The following CDK12 variants were observed in gnomAD, a reference collection of about 807,000 sequenced individuals.
CDK12 encodes the protein cyclin-dependent kinase 12.
CDK12 carries 17 observed loss-of-function variants against 133.8 expected under a neutral mutation model. The observed-to-expected ratio is 0.13, with a 90% CI of 0.09 to 0.19. The LOEUF (loss-of-function observed/expected upper bound fraction) is 0.19. CDK12 is among the 10% of genes least tolerant of loss of function. CDK12 has a pLI of 1.00. For missense variants in CDK12, 1,508 were observed against 1,818.7 expected (o/e 0.83, Z 3.11); for synonymous variants, 694 against 683.6 (o/e 1.02, Z -0.24).
At chr17:39,465,565 C>T (rs966292764) in intron 1 of CDK12, among the ~76,000 whole-genome samples, 4 of 151,912 alleles carry the variant, frequency 2.6e-5, no homozygotes, top group African/African-American at 9.7e-5. Flanking sequence ...CGGTTCACTG[C>T]AACCTCTGCC....
At chr17:39,479,535 T>C (rs1033173411) in intron 2 of CDK12, among the ~76,000 whole-genome samples, 1 of 152,138 alleles carries the variant, frequency 6.6e-6, no homozygotes, top group East Asian at 1.9e-4. Context: ...TTGTGTGAAA[T>C]GACAGTGGAC....
At chr17:39,465,093 A>G (rs1346511067) in intron 1 of CDK12, among the ~76,000 whole-genome samples, 2 of 152,148 alleles carry the variant, frequency 1.3e-5, no homozygotes, top group South Asian at 4.2e-4. Flanking sequence ...AAAAATATAA[A>G]AAATTAGTTG....
chr17:39,467,272 C>T (rs989045616), intron 1 of CDK12, among the ~76,000 whole-genome samples: 4 of 152,028 alleles, frequency 2.6e-5, no homozygotes, highest in South Asian at 2.1e-4. Flanking sequence ...CCACCATGCC[C>T]GGCGAAACAA....
chr17:39,474,972 T>A (rs981611558), intron 2 of CDK12, among the ~76,000 whole-genome samples: 4 of 151,766 alleles, frequency 2.6e-5, no homozygotes, highest in Admixed American at 2.6e-4. Flanking sequence ...GTAGCTGAGA[T>A]TACAAGCATG....
intron 1 of CDK12, among the ~76,000 whole-genome samples, chr17:39,467,578 T>C (rs1269971781): frequency 6.6e-6 from 1 of 152,182 alleles, no homozygotes; most frequent in African/African-American, 2.4e-5. Context: ...AACAGTAGGC[T>C]TCTGTGAGAA....
upstream of CDK12, chr17:39,547,768 G>T (rs1161769830): frequency 6.6e-6 from 1 of 152,326 alleles, no homozygotes; most frequent in East Asian, 1.9e-4. Context: ...TTGACCCTAG[G>T]CCTCCTCTCT....
Position 39,524,797 on chromosome 17 carries a change from G to A in CDK12, c.3219G>A (p.Gly1073=). The A allele has an allele frequency of 6.2e-7, 1 of 1,614,202 alleles. No homozygotes were observed. The highest frequency in any genetic ancestry group is 8.5e-7 in the Non-Finnish European group (1 of 1,180,040). The change falls in exon 12 of 14, where the codon GGG becomes GGA. Residue 1073 remains glycine (G), a synonymous_variant. Transcript: ENST00000447079. ...CTTCTCGAAAAGAAACTACCTCAGG[G>A]ACAAGTACTGAGCCTGTGAAGAACA... ...SKTSRKETTS[G]TSTEPVKNSS... is the part of the protein sequence containing the mutation.
chr17:39,493,052 G>T (rs887400467), intron 4 of CDK12, among the ~76,000 whole-genome samples, 162 bp downstream of exon 4: 6 of 151,832 alleles, frequency 4.0e-5, no homozygotes, highest in African/African-American at 1.5e-4. Context: ...GAGTGCAGTG[G>T]TGCAGTCTCA....
At chr17:39,492,013 T>TAA (rs751681718) in intron 3 of CDK12, among the ~76,000 whole-genome samples, 26 of 113,034 alleles carry the variant, frequency 2.3e-4, no homozygotes, top group African/African-American at 8.0e-4. Flanking sequence ...TGTAGAGTAC[T>TAA]AAAAAAAAAA....
chr17:39,507,126 A>T (rs557951536), intron 6 of CDK12, among the ~76,000 whole-genome samples: 2 of 151,706 alleles, frequency 1.3e-5, no homozygotes, highest in South Asian at 4.2e-4. Flanking sequence ...CAAACTCCTG[A>T]CTTAAGTGGT....
At chr17:39,519,109 G>C (rs2054000641) in intron 10 of CDK12, among the ~76,000 whole-genome samples, 1 of 151,708 alleles carries the variant, frequency 6.6e-6, no homozygotes, top group Non-Finnish European at 1.5e-5. Flanking sequence ...CACCATGTTA[G>C]CCAGGCTGGT....
At chr17:39,546,567 G>C (rs2055719154), upstream of CDK12, 1 of 152,208 alleles carries the variant, frequency 6.6e-6, no homozygotes, top group African/African-American at 2.4e-5. Context: ...AGATAGGGCA[G>C]TTCTGTCCCT....
At chr17:39,511,469 T>C (rs763852520) in intron 7 of CDK12, 60 bp from the exon 8 acceptor site, 2 of 1,068,424 alleles carry the variant, frequency 1.9e-6, no homozygotes, top group Non-Finnish European at 1.4e-6. Flanking sequence ...TTTAGTTATG[T>C]GAATATTTTT....
At chr17:39,529,598 C>T (rs879781216) in intron 13 of CDK12, among the ~76,000 whole-genome samples, 1 of 152,108 alleles carries the variant, frequency 6.6e-6, no homozygotes, top group Non-Finnish European at 1.5e-5. Context: ...TTTTCTTTGT[C>T]CTCAAACTCA....
At chr17:39,547,346 G>C (rs1053219149), upstream of CDK12, among the ~76,000 whole-genome samples, 4 of 152,052 alleles carry the variant, frequency 2.6e-5, no homozygotes, top group Admixed American at 2.6e-4. Flanking sequence ...ATGATGATGA[G>C]GCTGGTCTCG....
At chr17:39,515,153 A>C (rs2053722044) in intron 8 of CDK12, among the ~76,000 whole-genome samples, 1 of 152,214 alleles carries the variant, frequency 6.6e-6, no homozygotes, top group Non-Finnish European at 1.5e-5. Context: ...CAAAGGTTGC[A>C]GTGAGTGGAG....
At position 39,462,401 on chromosome 17, in the gene CDK12, ACAT is replaced by A; in HGVS notation, c.332_334del (p.His111del). On this transcript the variant is annotated inframe_deletion, in exon 1 of 14. Transcript: ENST00000447079. ...CAGATCGGAGCGACCGCCTGCACAA[ACAT>A]CGTCACCACCAGCACAGGCGTTCCC... The A allele has an allele frequency of 6.2e-7, 1 of 1,614,186 alleles. No individual in the cohort carries two copies.
At chr17:39,485,589 T>C (rs911635922) in intron 2 of CDK12, among the ~76,000 whole-genome samples, 2 of 151,856 alleles carry the variant, frequency 1.3e-5, no homozygotes, top group Admixed American at 1.3e-4. Flanking sequence ...ATTTTTTTTG[T>C]ATTTTGGTAG....
Position 39,461,839 on chromosome 17 carries a change from A to G in CDK12, c.-233A>G. 1.8e-6 allele frequency: 1 copy of G among 562,640 alleles called. No individual in the cohort carries two copies. The highest frequency in any genetic ancestry group is 2.2e-5 in the South Asian group (1 of 44,464). 34.9% of individuals were successfully genotyped at this position (562,640 alleles called of 1,614,324 possible). A position where few individuals can be genotyped will look rare whatever the true frequency, so the allele number is the denominator to read the frequency against. On this transcript the variant is annotated 5_prime_UTR_variant, in exon 1 of 14. Transcript: ENST00000447079. Reference sequence around the variant, plus strand: ...TTGAGCAGCTCCCCGTTGTCTCGCAACTCCACTGCCGAGGAACTCTCATTT... The same window carrying G: ...TTGAGCAGCTCCCCGTTGTCTCGCAGCTCCACTGCCGAGGAACTCTCATTT...
Sources: gnomAD v4.1 joint callset for allele counts (sites outside exome capture counted in the v4.1 genomes callset) on GRCh38, gnomAD v4.1.1 for gene constraint, MANE v1.5 for transcripts, NCBI Gene and HGNC (gene_info 2026-07-23, HGNC 2026-07-21) for gene names.